The following GRAMD1B variants were observed in gnomAD, a reference collection of about 807,000 sequenced individuals.
GRAMD1B encodes the protein protein Aster-B.
A neutral mutation model predicts 99.7 loss-of-function variants in GRAMD1B; 37 were observed. The observed-to-expected ratio is 0.37, with a 90% CI of 0.29 to 0.49. The LOEUF is 0.49. Ranked by LOEUF, GRAMD1B falls within the 20% of genes least tolerant of loss-of-function variation. GRAMD1B has a pLI of 0.98. For synonymous variants in GRAMD1B, 427 were observed against 387.6 expected (o/e 1.10, Z -1.19); for missense variants, 888 against 1,009.2 (o/e 0.88, Z 1.63).
intron 1 of GRAMD1B, among the ~76,000 whole-genome samples, chr11:123,404,689 C>T (rs956503886): frequency 1.3e-5 from 2 of 152,232 alleles, no homozygotes; most frequent in African/African-American, 4.8e-5. Flanking sequence ...TGTCAAAAAT[C>T]ATTCATGAGA....
At chr11:123,516,991 C>T (rs1941731834) in intron 2 of GRAMD1B, among the ~76,000 whole-genome samples, 1 of 152,198 alleles carries the variant, frequency 6.6e-6, no homozygotes, top group African/African-American at 2.4e-5. Flanking sequence ...ACGATCTTGG[C>T]TCACTGCACC....
In GRAMD1B at chr11:123,603,477, G is replaced by A. The variant is rs756116420; in HGVS notation, c.1102G>A (p.Glu368Lys). The change falls in exon 9 of 20, where the codon GAA becomes AAA. Residue 368 changes from glutamate (E) to lysine (K), a missense_variant. Coordinates refer to ENST00000635736, the MANE Select transcript of GRAMD1B (RefSeq NM_001387025.1). ...CTTTGTTCACCAGTGCTATGGGAAC[G>A]AATTGGGCCTGACCAGTGATGACGA... is the stretch of plus-strand genomic sequence containing the variant. ...WHFVHQCYGN[E>K]LGLTSDDEDY... The A allele has an allele frequency of 6.2e-7, 1 of 1,613,912 alleles. No individual in the cohort carries two copies. Among genetic ancestry groups the A allele is most frequent in the East Asian group, 2.2e-5 (1 of 44,882 alleles).
chr11:123,457,117 A>AGGAAG, intron 1 of GRAMD1B, among the ~76,000 whole-genome samples: 1 of 99,436 alleles, frequency 1.0e-5, no homozygotes, highest in Admixed American at 1.2e-4. Flanking sequence ...TTCTGAGAAA[A>AGGAAG]AAAGAAAGAA....
At chr11:123,604,570 A>G (rs1166436310) in intron 9 of GRAMD1B, among the ~76,000 whole-genome samples, 2 of 152,246 alleles carry the variant, frequency 1.3e-5, no homozygotes, top group African/African-American at 2.4e-5. Context: ...GAAAAAAGCA[A>G]GAAAAGAACA....
intron 1 of GRAMD1B, among the ~76,000 whole-genome samples, chr11:123,366,793 C>T (rs1428062455): frequency 6.6e-6 from 1 of 152,220 alleles, no homozygotes; most frequent in African/African-American, 2.4e-5. Context: ...TATCTTCTCT[C>T]TACCAATTGT....
chr11:123,511,389 G>A (rs909833115), intron 2 of GRAMD1B, among the ~76,000 whole-genome samples: 3 of 152,130 alleles, frequency 2.0e-5, no homozygotes, highest in African/African-American at 7.2e-5. Flanking sequence ...ATGGGGCCTG[G>A]GTGCTGCGCT....
intron 1 of GRAMD1B, among the ~76,000 whole-genome samples, chr11:123,395,754 T>C (rs907640908): frequency 3.3e-5 from 5 of 152,284 alleles, no homozygotes; most frequent in Non-Finnish European, 4.4e-5. Context: ...CTTCAAGTGA[T>C]TCCAATGAAT....
chr11:123,511,661 G>T (rs1346247377), intron 2 of GRAMD1B, among the ~76,000 whole-genome samples: 1 of 152,142 alleles, frequency 6.6e-6, no homozygotes, highest in African/African-American at 2.4e-5. Flanking sequence ...AGATGGCAGG[G>T]TCTCCTTTCT....
intron 1 of GRAMD1B, among the ~76,000 whole-genome samples, chr11:123,393,134 A>T (rs1178400674): frequency 6.6e-6 from 1 of 152,206 alleles, no homozygotes; most frequent in Non-Finnish European, 1.5e-5. Flanking sequence ...GACATTGAAG[A>T]TCATTAGTCA....
At chr11:123,549,065 A>G (rs571659944) in intron 2 of GRAMD1B, among the ~76,000 whole-genome samples, 2 of 152,282 alleles carry the variant, frequency 1.3e-5, no homozygotes, top group Admixed American at 1.3e-4. Flanking sequence ...AGAGGTAGTT[A>G]GTTGGAGGTG....
At chr11:123,423,061 T>C (rs1157750838) in intron 1 of GRAMD1B, among the ~76,000 whole-genome samples, 4 of 152,164 alleles carry the variant, frequency 2.6e-5, no homozygotes, top group African/African-American at 9.7e-5. Context: ...TCACACTACT[T>C]ACTATTAAGG....
At chr11:123,393,857 G>T (rs1472027585) in intron 1 of GRAMD1B, among the ~76,000 whole-genome samples, 1 of 152,034 alleles carries the variant, frequency 6.6e-6, no homozygotes, top group Non-Finnish European at 1.5e-5. Flanking sequence ...TACCACATTT[G>T]GCCAGCACCT....
At chr11:123,377,443 A>C (rs1946725824) in intron 1 of GRAMD1B, among the ~76,000 whole-genome samples, 1 of 152,228 alleles carries the variant, frequency 6.6e-6, no homozygotes, top group Admixed American at 6.5e-5. Flanking sequence ...GTTCCTTAGG[A>C]GAAACAGAGT....
intron 2 of GRAMD1B, among the ~76,000 whole-genome samples, chr11:123,482,812 A>G (rs1324630250): frequency 6.6e-6 from 1 of 152,170 alleles, no homozygotes; most frequent in African/African-American, 2.4e-5. Flanking sequence ...TAATCCCAGC[A>G]CTTTGGGAAG....
intron 2 of GRAMD1B, among the ~76,000 whole-genome samples, chr11:123,535,254 T>C (rs754317741): frequency 6.7e-6 from 1 of 149,796 alleles, no homozygotes; most frequent in Non-Finnish European, 1.5e-5. Flanking sequence ...AAAAAAAAAA[T>C]CTCATACAAC....
intron 1 of GRAMD1B, among the ~76,000 whole-genome samples, chr11:123,473,354 G>A (rs1352470093): frequency 2.6e-5 from 4 of 152,158 alleles, no homozygotes; most frequent in Non-Finnish European, 4.4e-5. Context: ...GTGAGCCACC[G>A]TGCCCTGACA....
intron 2 of GRAMD1B, among the ~76,000 whole-genome samples, chr11:123,513,822 A>G (rs1288332576): frequency 1.3e-5 from 2 of 151,484 alleles, no homozygotes; most frequent in Non-Finnish European, 2.9e-5. Flanking sequence ...ACACTTGGCT[A>G]ATTTTTTATT....
intron 1 of GRAMD1B, among the ~76,000 whole-genome samples, chr11:123,474,813 A>G (rs1160016493): frequency 6.6e-6 from 1 of 152,322 alleles, no homozygotes; most frequent in Non-Finnish European, 1.5e-5. Context: ...CTAACAGGAG[A>G]GATTGCCTCA....
At chr11:123,435,411 T>G (rs1051880360) in intron 1 of GRAMD1B, 11 of 701,444 alleles carry the variant, frequency 1.6e-5, no homozygotes, top group East Asian at 2.7e-5. Flanking sequence ...TTGTTTGTTT[T>G]TTTACTTGTC....
Sources: allele counts gnomAD v4.1 joint callset (sites outside exome capture counted in the v4.1 genomes callset), GRCh38; gene constraint gnomAD v4.1.1; transcripts MANE v1.5; gene names NCBI Gene and HGNC (gene_info 2026-07-23, HGNC 2026-07-21).